The following EXOC2 variants were observed in gnomAD, a reference collection of about 807,000 sequenced individuals.
The protein encoded by EXOC2 is SEC5-like 1.
A neutral mutation model predicts 131.8 loss-of-function variants in EXOC2; 70 were observed. That is an observed-to-expected ratio of 0.53 (90% CI 0.44 to 0.65). EXOC2 has a LOEUF of 0.65. EXOC2 is among the 30% of genes least tolerant of loss of function. EXOC2 has a pLI of 0.00. For synonymous variants in EXOC2, 411 were observed against 398.4 expected, an observed-to-expected ratio of 1.03 and a Z score of -0.38; for missense variants, 923 against 1,108.6, an observed-to-expected ratio of 0.83 and a Z score of 2.38.
intron 11 of EXOC2, among the ~76,000 whole-genome samples, chr6:582,824 C>G (rs1424784963): frequency 6.6e-6 from 1 of 151,842 alleles, no homozygotes; most frequent in Non-Finnish European, 1.5e-5. Flanking sequence ...TCACTTAATC[C>G]AAATTAAACA....
At chr6:489,957 G>A (rs558050701) in intron 26 of EXOC2, among the ~76,000 whole-genome samples, 1 of 152,324 alleles carries the variant, frequency 6.6e-6, no homozygotes, top group Admixed American at 6.5e-5. Flanking sequence ...GGCGCGGTGG[G>A]GTGTGGGACG....
At chr6:622,969 AG>A (rs1466747840) in intron 4 of EXOC2, among the ~76,000 whole-genome samples, 1 of 152,174 alleles carries the variant, frequency 6.6e-6, no homozygotes, top group African/African-American at 2.4e-5. Flanking sequence ...GCTCCAGGAG[AG>A]GGACTGTTAA....
intron 11 of EXOC2, among the ~76,000 whole-genome samples, chr6:582,748 T>C (rs1205020128): frequency 2.0e-5 from 3 of 150,846 alleles, no homozygotes; most frequent in Admixed American, 2.0e-4. Flanking sequence ...TACATATACA[T>C]ATATATGTAT....
intron 25 of EXOC2, among the ~76,000 whole-genome samples, chr6:495,264 T>C (rs1350480765): frequency 2.0e-5 from 3 of 152,086 alleles, no homozygotes; most frequent in Admixed American, 1.3e-4. Context: ...TAGCTGGGAC[T>C]ACAGGCGCCC....
At chr6:596,527 C>G (rs1055258910) in intron 10 of EXOC2, among the ~76,000 whole-genome samples, 2 of 150,472 alleles carry the variant, frequency 1.3e-5, no homozygotes, top group Middle Eastern at 3.4e-3. Context: ...ATCCCCGCAT[C>G]TGGCTAATTT....
Position 530,243 on chromosome 6 carries a change from A to G in EXOC2, c.2380+2226T>C, listed in dbSNP as rs573305609. ...ATTTTGAGAAAAATCAGGCAAAAGC[A>G]TATGGCAAACACTTAGAAGAGAAGG... On this transcript the variant is annotated intron_variant, in intron 23 of 27. Transcript: ENST00000230449. 2.0e-5 allele frequency among the ~76,000 whole-genome samples: 3 copies of G among 152,364 alleles called. No individual in the cohort carries two copies. In the East Asian group the frequency reaches 5.8e-4, roughly 29 times the overall value.
chr6:600,732 T>C (rs1760084692), intron 7 of EXOC2, among the ~76,000 whole-genome samples: 1 of 150,366 alleles, frequency 6.7e-6, no homozygotes, highest in African/African-American at 2.5e-5. Context: ...AACTCACTTA[T>C]AATTAAATAA....
At chr6:568,472 C>T (rs1056858071) in intron 13 of EXOC2, among the ~76,000 whole-genome samples, 1 of 152,222 alleles carries the variant, frequency 6.6e-6, no homozygotes, top group African/African-American at 2.4e-5. Flanking sequence ...TCCTGCAGAC[C>T]CTTGCGGCTT....
chr6:628,153 T>C (rs1761673874), intron 4 of EXOC2, among the ~76,000 whole-genome samples: 2 of 152,200 alleles, frequency 1.3e-5, no homozygotes, highest in African/African-American at 4.8e-5. Flanking sequence ...AGGTACTGCA[T>C]TGTACACCTG....
intron 20 of EXOC2, among the ~76,000 whole-genome samples, chr6:554,914 T>C (rs1424910209): frequency 6.6e-6 from 1 of 152,202 alleles, no homozygotes; most frequent in African/African-American, 2.4e-5. Flanking sequence ...AACACCAGAA[T>C]TGTAAAAATC....
chr6:539,348 T>C (rs1318209636), intron 22 of EXOC2, among the ~76,000 whole-genome samples: 1 of 152,196 alleles, frequency 6.6e-6, no homozygotes, highest in Non-Finnish European at 1.5e-5. Context: ...CCCTGCCACC[T>C]TAGCAGCAAT....
chr6:487,828 A>G (rs1246325638), intron 27 of EXOC2, among the ~76,000 whole-genome samples: 1 of 152,210 alleles, frequency 6.6e-6, no homozygotes, highest in Non-Finnish European at 1.5e-5. Context: ...ACAATGTTCA[A>G]TATTAGAATG....
chr6:512,576 G>C (rs759868952), intron 23 of EXOC2, among the ~76,000 whole-genome samples: 1 of 152,180 alleles, frequency 6.6e-6, no homozygotes, highest in Non-Finnish European at 1.5e-5. Flanking sequence ...GGTAAACAAA[G>C]ATTTCAGACT....
At chr6:629,074 T>C (rs2127700160) in intron 4 of EXOC2, among the ~76,000 whole-genome samples, 1 of 152,278 alleles carries the variant, frequency 6.6e-6, no homozygotes, top group East Asian at 1.9e-4. Flanking sequence ...GAAGATTATA[T>C]ATAGAGAGAT....
chr6:675,120 C>T (rs1764050631), intron 1 of EXOC2, among the ~76,000 whole-genome samples: 1 of 152,204 alleles, frequency 6.6e-6, no homozygotes, highest in Admixed American at 6.5e-5. Flanking sequence ...GCGGCTTGCC[C>T]ACCCTCTTGG....
At chr6:542,212 T>A (rs1244308574) in intron 22 of EXOC2, among the ~76,000 whole-genome samples, 4 of 152,214 alleles carry the variant, frequency 2.6e-5, no homozygotes, top group Non-Finnish European at 5.9e-5. Context: ...TGGGAGCACC[T>A]GGGTTCATTT....
At chr6:591,294 G>A (rs9405263) in intron 11 of EXOC2, among the ~76,000 whole-genome samples, 91,863 of 151,864 alleles carry the variant, frequency 0.6, 29,532 homozygotes, top group Non-Finnish European at 0.71. Context: ...ATCCGTCAGC[G>A]ACTCCCCATC....
chr6:508,469 C>T lies in EXOC2; in HGVS notation c.2381-8769G>A, dbSNP rs1036851346. Among the ~76,000 whole-genome samples the T allele has an allele frequency of 7.2e-5, 11 of 152,164 alleles. No individual in the cohort carries two copies. In the East Asian group the frequency reaches 1.9e-3, roughly 27 times the overall value. On this transcript the variant is annotated intron_variant, in intron 23 of 27. Coordinates refer to ENST00000230449, the MANE Select transcript of EXOC2 (RefSeq NM_018303.6). The stretch of plus-strand genomic sequence containing the variant: ...TGCTCCCTCCTTCCCCAGTAACCCC[C>T]GACAACCACTGATCTTTTTAATCTC...
intron 1 of EXOC2, among the ~76,000 whole-genome samples, chr6:657,874 C>T (rs951092262): frequency 2.6e-5 from 4 of 152,040 alleles, no homozygotes; most frequent in South Asian, 2.1e-4. Context: ...CTAGCAAGAA[C>T]ATTAACCCTC....
Sources: allele counts gnomAD v4.1 joint callset (sites outside exome capture counted in the v4.1 genomes callset), GRCh38; gene constraint gnomAD v4.1.1; transcripts MANE v1.5; gene names NCBI Gene and HGNC (gene_info 2026-07-23, HGNC 2026-07-21).